The following GALNT2 variants were observed in gnomAD, a reference collection of about 807,000 sequenced individuals.
GALNT2 encodes polypeptide N-acetylgalactosaminyltransferase 2.
GALNT2 carries 31 observed loss-of-function variants against 81.4 expected under a neutral mutation model. The ratio of observed to expected loss-of-function variants is 0.38; its 90% CI spans 0.29 to 0.51. The LOEUF (loss-of-function observed/expected upper bound fraction) is 0.51. GALNT2 is among the 20% of genes least tolerant of loss of function. GALNT2 has a pLI of 0.87. For missense variants in GALNT2, 629 were observed against 765.7 expected (o/e 0.82, Z 2.11); for synonymous variants, 303 against 287.4 (o/e 1.05, Z -0.55).
chr1:230,222,031 C>CTCTTTTTTTTTTTTTTTTTTTTTTTTTTT (rs1553270493), intron 3 of GALNT2, among the ~76,000 whole-genome samples: 1 of 96,120 alleles, frequency 1.0e-5, no homozygotes, highest in Non-Finnish European at 1.9e-5. Flanking sequence ...CTGCTTTTCT[C>CTCTTTTTTTTTTTTTTTTTTTTTTTTTTT]TTTTTTTTTT....
At chr1:230,096,415 A>G (rs558233761) in intron 1 of GALNT2, among the ~76,000 whole-genome samples, 10 of 152,302 alleles carry the variant, frequency 6.6e-5, no homozygotes, top group Non-Finnish European at 1.3e-4. Flanking sequence ...TGGTTAGAGC[A>G]TGCTGGCTGA....
intron 3 of GALNT2, among the ~76,000 whole-genome samples, chr1:230,205,814 G>A (rs1013748434): frequency 7.9e-5 from 12 of 151,614 alleles, no homozygotes; most frequent in African/African-American, 2.9e-4. Flanking sequence ...CCCATGCCAG[G>A]TGCTTCTCCG....
At chr1:230,226,225 TC>T (rs1664705158) in intron 3 of GALNT2, among the ~76,000 whole-genome samples, 1 of 152,206 alleles carries the variant, frequency 6.6e-6, no homozygotes, top group South Asian at 2.1e-4. Flanking sequence ...CAACAGACCT[TC>T]CTGCCCTTTT....
chr1:230,083,682 T>TA (rs2102757129), intron 1 of GALNT2, among the ~76,000 whole-genome samples: 1 of 152,352 alleles, frequency 6.6e-6, no homozygotes, highest in African/African-American at 2.4e-5. Flanking sequence ...TCCTTGCTGT[T>TA]AAACGGTGTC....
At chr1:230,212,618 G>A (rs574422137) in intron 3 of GALNT2, among the ~76,000 whole-genome samples, 6 of 152,240 alleles carry the variant, frequency 3.9e-5, no homozygotes, top group South Asian at 2.1e-4. Flanking sequence ...AGATATACGA[G>A]ATGTGGGGAG....
chr1:230,252,964 A>G (rs1367736824), intron 10 of GALNT2, among the ~76,000 whole-genome samples: 1 of 146,438 alleles, frequency 6.8e-6, no homozygotes, highest in Non-Finnish European at 1.5e-5. Flanking sequence ...CTCCTGCCTC[A>G]GCCTCCCAAG....
In GALNT2 at chr1:230,231,615, A is replaced by G. The variant is rs772786183; in HGVS notation, c.375-4399A>G. Among the ~76,000 whole-genome samples, 10 of 152,196 alleles carry G rather than the reference A, an allele frequency of 6.6e-5. No individual in the cohort carries two copies. In the South Asian group the frequency reaches 1.2e-3, roughly 19 times the overall value. On this transcript the variant is annotated intron_variant, in intron 3 of 15. Coordinates refer to ENST00000366672, the MANE Select transcript of GALNT2 (RefSeq NM_004481.5). Reference sequence around the variant, plus strand: ...ATTCTTCTACCCTGAGAGACTCTCTATACAATGTGGTGGTTTAGATTCACC... The same window carrying G: ...ATTCTTCTACCCTGAGAGACTCTCTGTACAATGTGGTGGTTTAGATTCACC...
At chr1:230,072,654 C>G (rs531244117) in intron 1 of GALNT2, among the ~76,000 whole-genome samples, 1 of 152,316 alleles carries the variant, frequency 6.6e-6, no homozygotes, top group South Asian at 2.1e-4. Flanking sequence ...CAGATGGAAA[C>G]ACACTGGCTT....
intron 1 of GALNT2, among the ~76,000 whole-genome samples, chr1:230,084,809 G>T (rs1659851142): frequency 6.6e-6 from 1 of 152,214 alleles, no homozygotes; most frequent in African/African-American, 2.4e-5. Flanking sequence ...GTAACATGCT[G>T]TGGTTTGGCA....
intron 3 of GALNT2, among the ~76,000 whole-genome samples, chr1:230,211,195 T>A (rs1301456933): frequency 6.6e-6 from 1 of 152,116 alleles, no homozygotes; most frequent in Non-Finnish European, 1.5e-5. Flanking sequence ...CGCTGCTCCA[T>A]GGTAGAGCTG....
intron 2 of GALNT2, among the ~76,000 whole-genome samples, chr1:230,201,167 C>T (rs1262450328): frequency 6.6e-6 from 1 of 152,102 alleles, no homozygotes; most frequent in Non-Finnish European, 1.5e-5. Context: ...TTTCCAGTAA[C>T]ATGTTTTGGA....
chr1:230,143,327 G>A (rs1441259239), intron 1 of GALNT2, among the ~76,000 whole-genome samples: 1 of 152,208 alleles, frequency 6.6e-6, no homozygotes, highest in East Asian at 1.9e-4. Context: ...TTAGTTTTTG[G>A]TAAGAGATGT....
At chr1:230,177,749 T>A (rs1415260896) in intron 1 of GALNT2, among the ~76,000 whole-genome samples, 1 of 152,128 alleles carries the variant, frequency 6.6e-6, no homozygotes, top group Non-Finnish European at 1.5e-5. Flanking sequence ...CATTTAACAC[T>A]CTCTGAGGGG....
Position 230,279,243 on chromosome 1 carries a change from A to C in GALNT2, c.1561-60A>C. The stretch of plus-strand genomic sequence containing the variant: ...AGCCACAAGGTCCTGAATTCACACG[A>C]ATCTGTTTGTACTCCTTTGCTTGTG... On this transcript the variant is annotated intron_variant, in intron 15 of 15. Transcript: ENST00000366672. The surrounding 1 kb of genome is among the most constrained non-coding windows in gnomAD (Gnocchi z 4.6). 6.5e-7 allele frequency: 1 copy of C among 1,541,232 alleles called. No individual in the cohort carries two copies. Among genetic ancestry groups the C allele is most frequent in the Non-Finnish European group, 8.8e-7 (1 of 1,132,146 alleles).
At chr1:230,154,403 T>C (rs1231637729) in intron 1 of GALNT2, among the ~76,000 whole-genome samples, 2 of 152,218 alleles carry the variant, frequency 1.3e-5, no homozygotes, top group Non-Finnish European at 2.9e-5. Context: ...TCAGAAGGAA[T>C]GTGCCAAACC....
At chr1:230,115,809 G>A (rs1056531703) in intron 1 of GALNT2, among the ~76,000 whole-genome samples, 2 of 152,156 alleles carry the variant, frequency 1.3e-5, no homozygotes, top group Admixed American at 6.5e-5. Flanking sequence ...CCACGTCTTT[G>A]TCAATTAAGT....
intron 2 of GALNT2, among the ~76,000 whole-genome samples, chr1:230,192,801 T>C (rs1369088879): frequency 2.6e-5 from 4 of 152,260 alleles, no homozygotes; most frequent in African/African-American, 9.6e-5. Context: ...CTGGTTTTTT[T>C]GTCCTTAATC....
chr1:230,172,660 C>T (rs570126659), intron 1 of GALNT2, among the ~76,000 whole-genome samples: 2 of 152,306 alleles, frequency 1.3e-5, no homozygotes, highest in South Asian at 2.1e-4. Context: ...CCCCACGGCG[C>T]CTTTCCTCCT....
chr1:230,095,199 C>T (rs1440601713), intron 1 of GALNT2, among the ~76,000 whole-genome samples: 1 of 152,102 alleles, frequency 6.6e-6, no homozygotes, highest in African/African-American at 2.4e-5. Context: ...ACCCGCGGGG[C>T]TGTGACACTG....
Sources: gnomAD v4.1 joint callset for allele counts (sites outside exome capture counted in the v4.1 genomes callset) on GRCh38, gnomAD v4.1.1 for gene constraint, Gnocchi (gnomAD v3.1) non-coding constraint, MANE v1.5 for transcripts, NCBI Gene and HGNC (gene_info 2026-07-23, HGNC 2026-07-21) for gene names.